The following RBFOX1 variants were observed in gnomAD, a reference collection of about 807,000 sequenced individuals.
RBFOX1 encodes the protein RNA binding fox-1 homolog 1.
In RBFOX1, 8 loss-of-function variants were observed where a neutral mutation model predicts 57.7. That is an observed-to-expected ratio of 0.14 (90% CI 0.08 to 0.25). RBFOX1 has a LOEUF of 0.25. RBFOX1 is among the 10% of genes least tolerant of loss of function. RBFOX1 has a pLI of 1.00. For synonymous variants in RBFOX1, 326 were observed against 222.4 expected (o/e 1.47, Z -4.15); for missense variants, 611 against 548.5 (o/e 1.11, Z -1.14).
At chr16:6,747,444 T>TTGTCTGTC (rs1568445137) in intron 3 of RBFOX1, among the ~76,000 whole-genome samples, 7 of 83,384 alleles carry the variant, frequency 8.4e-5, no homozygotes, top group African/African-American at 2.7e-4. Flanking sequence ...GTCAGTCAGT[T>TTGTCTGTC]AGTCTGTCTG....
chr16:5,908,095 T>TATATATATAC (rs1567133450), intron 4 of RBFOX1, among the ~76,000 whole-genome samples: 9 of 139,884 alleles, frequency 6.4e-5, no homozygotes, highest in African/African-American at 2.7e-4. Context: ...TACACATATA[T>TATATATATAC]ACACATATAT....
chr16:6,632,642 C>T (rs1190721149), intron 2 of RBFOX1, among the ~76,000 whole-genome samples: 1 of 152,142 alleles, frequency 6.6e-6, no homozygotes, highest in Non-Finnish European at 1.5e-5. Flanking sequence ...TTGAGCTATT[C>T]CACTCATGAC....
chr16:6,438,611 T>C (rs2094298637), intron 2 of RBFOX1, among the ~76,000 whole-genome samples: 1 of 152,224 alleles, frequency 6.6e-6, no homozygotes, highest in Non-Finnish European at 1.5e-5. Context: ...CTTACAGTTC[T>C]TCCTCTAGCT....
At chr16:6,255,563 A>G (rs2097655761) in intron 1 of RBFOX1, among the ~76,000 whole-genome samples, 1 of 152,144 alleles carries the variant, frequency 6.6e-6, no homozygotes, top group Non-Finnish European at 1.5e-5. Flanking sequence ...TGCCAACAGG[A>G]GGAATGCGCT....
chr16:6,555,708 AC>A (rs1156833234), intron 2 of RBFOX1, among the ~76,000 whole-genome samples: 6 of 151,638 alleles, frequency 4.0e-5, no homozygotes, highest in South Asian at 2.1e-4. Context: ...TGAAAAAAAA[AC>A]AAAACAAAAC....
Position 7,621,291 on chromosome 16 carries a change from G to C in RBFOX1, c.677-9312G>C, listed in dbSNP as rs61233911. Among the ~76,000 whole-genome samples, 698 of 151,778 alleles carry C rather than the reference G, an allele frequency of 4.6e-3. 5 individuals are homozygous for C. The highest frequency in any genetic ancestry group is 0.016 in the African/African-American group (650 of 41,374). ...TTTTTTTTTTCTTTTTTGAGATGGA[G>C]TCTCCATCACCCAGGCTGGAGTGCA... is the stretch of plus-strand genomic sequence containing the variant. On this transcript the variant is annotated intron_variant, in intron 10 of 15. Transcript: ENST00000550418.
chr16:7,272,381 C>G (rs1447488817), intron 4 of RBFOX1, among the ~76,000 whole-genome samples: 1 of 152,018 alleles, frequency 6.6e-6, no homozygotes, highest in East Asian at 1.9e-4. Flanking sequence ...GACTGTGTTC[C>G]GCCATGTTGG....
At chr16:7,172,847 A>T (rs2080966368) in intron 4 of RBFOX1, among the ~76,000 whole-genome samples, 1 of 152,178 alleles carries the variant, frequency 6.6e-6, no homozygotes, top group East Asian at 1.9e-4. Context: ...GGGTTTAGAG[A>T]ACATGGGGAG....
intron 4 of RBFOX1, chr16:7,333,027 T>G (rs773882342): frequency 6.2e-7 from 1 of 1,613,834 alleles, no homozygotes; most frequent in Non-Finnish European, 8.5e-7. Context: ...GGAGTTCTCC[T>G]GCATCCTTAT....
chr16:6,893,316 A>G (rs2065964452), intron 3 of RBFOX1, among the ~76,000 whole-genome samples: 1 of 152,208 alleles, frequency 6.6e-6, no homozygotes, highest in African/African-American at 2.4e-5. Flanking sequence ...GAAAGCCCCT[A>G]GAGATCAAAC....
At chr16:6,620,368 G>C (rs932957411) in intron 2 of RBFOX1, among the ~76,000 whole-genome samples, 12 of 152,116 alleles carry the variant, frequency 7.9e-5, no homozygotes, top group Non-Finnish European at 1.0e-4. Flanking sequence ...GAAATGTATA[G>C]CACTAAATGC....
intron 3 of RBFOX1, among the ~76,000 whole-genome samples, chr16:6,705,962 G>A (rs1404133634): frequency 6.6e-6 from 1 of 152,170 alleles, no homozygotes; most frequent in Admixed American, 6.5e-5. Flanking sequence ...AGGCTACAGT[G>A]AGTTAAGATG....
At chr16:7,612,097 G>A (rs916313354) in intron 10 of RBFOX1, among the ~76,000 whole-genome samples, 1 of 152,048 alleles carries the variant, frequency 6.6e-6, no homozygotes, top group African/African-American at 2.4e-5. Context: ...CGAGGCAGGT[G>A]GATCACGAGG....
chr16:7,148,847 C>A (rs757260574), intron 4 of RBFOX1, among the ~76,000 whole-genome samples: 3 of 152,172 alleles, frequency 2.0e-5, no homozygotes, highest in African/African-American at 7.2e-5. Context: ...AGCAAAGTGA[C>A]CCTCGGGTCA....
At chr16:6,685,502 G>A (rs1395026099) in intron 3 of RBFOX1, among the ~76,000 whole-genome samples, 1 of 146,722 alleles carries the variant, frequency 6.8e-6, no homozygotes, top group Non-Finnish European at 1.5e-5. Context: ...TCGCCAGGCT[G>A]CTGTCGAACT....
chr16:6,827,672 C>T (rs993312216), intron 3 of RBFOX1, among the ~76,000 whole-genome samples: 2 of 152,178 alleles, frequency 1.3e-5, no homozygotes, highest in African/African-American at 4.8e-5. Context: ...TTTGAGGTCT[C>T]TTCTGATCCT....
rs529244264 is a variant in RBFOX1, at chr16:6,400,730, T to G, written c.-64+83673T>G. Among the ~76,000 whole-genome samples the G allele has an allele frequency of 3.1e-4, 47 of 152,212 alleles. No homozygotes were observed. The South Asian group carries it at 9.1e-3, about 30-fold the overall frequency. On this transcript the variant is annotated intron_variant, in intron 2 of 15. Transcript: ENST00000550418. ...CTGGCCAACACGGTGAAACCCTGTCTCTACAAAAAATTCAGAAGTTAACCA... is the reference window on the plus strand; with the variant it reads ...CTGGCCAACACGGTGAAACCCTGTCGCTACAAAAAATTCAGAAGTTAACCA...
rs558681957 is a variant in RBFOX1 at position 6,326,260 on chromosome 16, G to A, written c.-64+9203G>A. ...ATAGCTATGGAAAAATTTTGATTTT[G>A]GATTCTCGCTAGGTACTGAGGATAT... On this transcript the variant is annotated intron_variant, in intron 2 of 15. Coordinates refer to ENST00000550418, the MANE Select transcript of RBFOX1 (RefSeq NM_018723.4). Among the ~76,000 whole-genome samples the A allele has an allele frequency of 2.0e-5, 3 of 152,132 alleles. No individual in the cohort carries two copies. In the East Asian group the frequency reaches 5.8e-4, roughly 29 times the overall value.
chr16:6,433,443 C>G (rs367691173), intron 2 of RBFOX1, among the ~76,000 whole-genome samples: 1 of 152,228 alleles, frequency 6.6e-6, no homozygotes, highest in South Asian at 2.1e-4. Context: ...GGGACTCAGA[C>G]ATGAATGCAA....
Sources: allele counts gnomAD v4.1 joint callset (sites outside exome capture counted in the v4.1 genomes callset), GRCh38; gene constraint gnomAD v4.1.1; transcripts MANE v1.5; gene names NCBI Gene and HGNC (gene_info 2026-07-23, HGNC 2026-07-21).